The following FSIP1 variants were observed in gnomAD, a reference collection of about 807,000 sequenced individuals.
FSIP1 encodes the protein fibrous sheath interacting protein 1.
A neutral mutation model predicts 60.9 loss-of-function variants in FSIP1; 65 were observed. That is an observed-to-expected ratio of 1.07 (90% confidence interval 0.87 to 1.31). The LOEUF (loss-of-function observed/expected upper bound fraction) is 1.31, where lower values mean the gene tolerates loss of function less well. Ranked by LOEUF, FSIP1 falls within the 40% of genes most tolerant of loss-of-function variation. The pLI is 0.00. For missense variants in FSIP1, 675 were observed against 665.5 expected, an observed-to-expected ratio of 1.01 and a Z score of -0.16; for synonymous variants, 209 against 221.2, an observed-to-expected ratio of 0.94 and a Z score of 0.49.
chr15:39,698,709 TG>T (rs1487737525), intron 10 of FSIP1, among the ~76,000 whole-genome samples: 3 of 152,170 alleles, frequency 2.0e-5, no homozygotes, highest in Non-Finnish European at 4.4e-5. Context: ...ACTTTCAGTT[TG>T]GGGTTCAAAC....
chr15:39,662,862 G>T (rs1023102731), intron 10 of FSIP1, among the ~76,000 whole-genome samples: 1 of 151,966 alleles, frequency 6.6e-6, no homozygotes, highest in African/African-American at 2.4e-5. Flanking sequence ...ATATATAAAC[G>T]AATATAATGT....
At chr15:39,631,919 C>T (rs1295954419) in intron 10 of FSIP1, among the ~76,000 whole-genome samples, 3 of 152,166 alleles carry the variant, frequency 2.0e-5, no homozygotes, top group African/African-American at 7.2e-5. Flanking sequence ...CCCCATCTTT[C>T]ATGTGAACAT....
At chr15:39,776,374 T>C in intron 2 of FSIP1, 25 bp downstream of exon 2, 2 of 1,604,650 alleles carry the variant, frequency 1.2e-6, no homozygotes, top group East Asian at 2.2e-5. Context: ...GAAAGGAGTT[T>C]AAATCTTTTC....
intron 9 of FSIP1, among the ~76,000 whole-genome samples, chr15:39,720,244 A>G (rs1260914569): frequency 6.6e-6 from 1 of 152,140 alleles, no homozygotes; most frequent in African/African-American, 2.4e-5. Context: ...ATCAAAAAAA[A>G]ATTAATTGTT....
intron 10 of FSIP1, among the ~76,000 whole-genome samples, chr15:39,629,465 C>A (rs967477576): frequency 6.6e-6 from 1 of 152,174 alleles, no homozygotes; most frequent in African/African-American, 2.4e-5. Context: ...AAGCGCAGGG[C>A]TGAAGCTAAG....
At chr15:39,687,157 T>C (rs1292488022) in intron 10 of FSIP1, among the ~76,000 whole-genome samples, 1 of 136,098 alleles carries the variant, frequency 7.3e-6, no homozygotes, top group Non-Finnish European at 1.6e-5. Flanking sequence ...TTTTTTTTTT[T>C]TTTTTTTTGA....
chr15:39,726,881 C>G lies in FSIP1; in HGVS notation c.892-134G>C. Reference sequence around the variant, plus strand: ...CACACACACACACACACAACACACACAAACAGAATTAACATTGGGTTAGTA... The same window carrying G: ...CACACACACACACACACAACACACAGAAACAGAATTAACATTGGGTTAGTA... On this transcript the variant is annotated intron_variant, in intron 8 of 11. Coordinates refer to ENST00000350221, the MANE Select transcript of FSIP1 (RefSeq NM_152597.5). 8.1e-6 allele frequency: 5 copies of G among 620,834 alleles called. No homozygotes were observed. In the South Asian group the frequency reaches 1.0e-4, roughly 13 times the overall value. The allele number at this position is 620,834 out of a possible 1,614,324, so 38.5% of individuals were successfully genotyped here.
chr15:39,719,481 G>A (rs1895871603), intron 9 of FSIP1, among the ~76,000 whole-genome samples: 1 of 152,352 alleles, frequency 6.6e-6, no homozygotes, highest in Non-Finnish European at 1.5e-5. Context: ...TATCTGTGGT[G>A]TTGACTAGGC....
intron 10 of FSIP1, among the ~76,000 whole-genome samples, chr15:39,677,966 A>G (rs8041146): frequency 0.024 from 3,656 of 151,882 alleles, 140 homozygotes; most frequent in African/African-American, 0.084. Flanking sequence ...ACTGCACTAC[A>G]GCCTAGTGAC....
At chr15:39,699,726 G>A (rs973922825) in intron 10 of FSIP1, among the ~76,000 whole-genome samples, 7 of 152,132 alleles carry the variant, frequency 4.6e-5, no homozygotes, top group Non-Finnish European at 1.0e-4. Flanking sequence ...TGAGTCATCT[G>A]CAAAATTCCA....
chr15:39,686,703 T>A (rs571371068), intron 10 of FSIP1, among the ~76,000 whole-genome samples: 1 of 152,382 alleles, frequency 6.6e-6, no homozygotes, highest in East Asian at 1.9e-4. Flanking sequence ...TTCATCCCTT[T>A]CAAATAAATA....
intron 5 of FSIP1, among the ~76,000 whole-genome samples, chr15:39,751,824 G>A (rs979463539): frequency 6.6e-6 from 1 of 151,936 alleles, no homozygotes; most frequent in African/African-American, 2.4e-5. Flanking sequence ...TCCCATGATG[G>A]GGGTTTGGGG....
At chr15:39,673,479 AT>A (rs57713872) in intron 10 of FSIP1, among the ~76,000 whole-genome samples, 11 of 150,878 alleles carry the variant, frequency 7.3e-5, no homozygotes, top group South Asian at 6.3e-4. Flanking sequence ...ACACCTGGTT[AT>A]TTTTTTTTAT....
chr15:39,602,013 A>G (rs906425437), intron 11 of FSIP1, among the ~76,000 whole-genome samples: 2 of 152,200 alleles, frequency 1.3e-5, no homozygotes, highest in African/African-American at 2.4e-5. Flanking sequence ...ATTGAATTGC[A>G]CACTTTTAAT....
chr15:39,613,396 G>A (rs890712221), intron 11 of FSIP1, among the ~76,000 whole-genome samples: 8 of 145,544 alleles, frequency 5.5e-5, no homozygotes, highest in Non-Finnish European at 1.2e-4. Flanking sequence ...TCCTGCCAAG[G>A]CTGAATCATA....
At chr15:39,707,559 G>A (rs567418888) in intron 10 of FSIP1, among the ~76,000 whole-genome samples, 35 of 152,058 alleles carry the variant, frequency 2.3e-4, no homozygotes, top group Non-Finnish European at 3.8e-4. Context: ...TCCATACGAT[G>A]TCCTTCCCCC....
chr15:39,602,829 C>T (rs1284891052), intron 11 of FSIP1, among the ~76,000 whole-genome samples: 1 of 152,182 alleles, frequency 6.6e-6, no homozygotes, highest in South Asian at 2.1e-4. Flanking sequence ...TCCTGAAGCT[C>T]TTACTATGTT....
rs573542074 is a variant in FSIP1, at chr15:39,608,686, C to T, written c.1700-7760G>A. ...GAATTGCATTTGTAAGTGAACTCTGCTGCTAAATAAAAACATTACAGCTGG... is the reference window on the plus strand; with the variant it reads ...GAATTGCATTTGTAAGTGAACTCTGTTGCTAAATAAAAACATTACAGCTGG... On this transcript the variant is annotated intron_variant, in intron 11 of 11. Coordinates refer to ENST00000350221, the MANE Select transcript of FSIP1 (RefSeq NM_152597.5). Among the ~76,000 whole-genome samples the T allele has an allele frequency of 3.3e-5, 5 of 152,316 alleles. No homozygotes were observed. The East Asian group carries it at 9.6e-4, about 29-fold the overall frequency.
intron 10 of FSIP1, among the ~76,000 whole-genome samples, chr15:39,687,018 C>T (rs375508597): frequency 1.3e-5 from 2 of 151,894 alleles, no homozygotes; most frequent in East Asian, 3.9e-4. Context: ...CCTTGGCAAT[C>T]TCAATCTCTC....
Sources: gnomAD v4.1 joint callset for allele counts (sites outside exome capture counted in the v4.1 genomes callset) on GRCh38, gnomAD v4.1.1 for gene constraint, MANE v1.5 for transcripts, NCBI Gene and HGNC (gene_info 2026-07-23, HGNC 2026-07-21) for gene names.